The following SPHKAP variants were observed in gnomAD, a reference collection of about 807,000 sequenced individuals.
The protein encoded by SPHKAP is SPHK1 interactor, AKAP domain containing, also known as A-kinase anchor protein SPHKAP.
In SPHKAP, 67 loss-of-function variants were observed where a neutral mutation model predicts 137.5. The observed-to-expected ratio is 0.49, with a 90% confidence interval of 0.40 to 0.60. The LOEUF is 0.60. Among genes scored for constraint, SPHKAP ranks in the 20% least tolerant of loss-of-function variants. SPHKAP has a pLI of 0.00. For missense variants in SPHKAP, 2,097 were observed against 2,069.3 expected (o/e 1.01, Z -0.26); for synonymous variants, 813 against 785.3 (o/e 1.04, Z -0.59).
intron 1 of SPHKAP, among the ~76,000 whole-genome samples, chr2:228,171,870 C>T (rs767555944): frequency 6.6e-6 from 1 of 152,138 alleles, no homozygotes; most frequent in African/African-American, 2.4e-5. Flanking sequence ...CTCCTATTGA[C>T]ATGCTACCAA....
chr2:228,162,024 A>G (rs1230620780), intron 1 of SPHKAP, among the ~76,000 whole-genome samples: 1 of 152,212 alleles, frequency 6.6e-6, no homozygotes, highest in Non-Finnish European at 1.5e-5. Flanking sequence ...CAGAGGAAGG[A>G]GTCAATAGAA....
intron 2 of SPHKAP, among the ~76,000 whole-genome samples, chr2:228,123,459 C>T (rs1698974869): frequency 6.6e-6 from 1 of 152,210 alleles, no homozygotes; most frequent in Non-Finnish European, 1.5e-5. Flanking sequence ...TGTGAATAAG[C>T]TCAATAATGC....
rs1700905422 is a variant in SPHKAP at position 228,181,321 on chromosome 2, A to G, written c.32+246T>C. ...GGCCTTAGAGGCGGGCACGGGGCTG[A>G]CCCCCAACCCGTGCCACTCCAGCGC... On this transcript the variant is annotated intron_variant, in intron 1 of 11. Coordinates refer to ENST00000392056, the MANE Select transcript of SPHKAP (RefSeq NM_001142644.2). This position sits in a 1 kb window ranked among gnomAD's most constrained non-coding sequence, Gnocchi z 4.3. 6.6e-6 allele frequency among the ~76,000 whole-genome samples: 1 copy of G among 151,680 alleles called. No homozygotes were observed. Among genetic ancestry groups the G allele is most frequent in the Admixed American group, 6.6e-5 (1 of 15,244 alleles).
At chr2:228,010,355 C>A (rs534683589) in intron 7 of SPHKAP, among the ~76,000 whole-genome samples, 1 of 151,990 alleles carries the variant, frequency 6.6e-6, no homozygotes, top group African/African-American at 2.4e-5. Context: ...GGTGAAACCC[C>A]GTCTCTACTA....
intron 1 of SPHKAP, among the ~76,000 whole-genome samples, chr2:228,151,966 T>C (rs958594134): frequency 1.3e-5 from 2 of 152,200 alleles, no homozygotes; most frequent in African/African-American, 4.8e-5. Context: ...TACTTTCTAC[T>C]TTTCATAACA....
intron 3 of SPHKAP, among the ~76,000 whole-genome samples, chr2:228,083,674 G>T (rs1468509463): frequency 6.6e-6 from 1 of 152,068 alleles, no homozygotes; most frequent in Non-Finnish European, 1.5e-5. Flanking sequence ...CAAAGACTTG[G>T]AACCAACCCA....
chr2:228,030,513 C>CAAAAAAAAAAAAAAAAAA (rs11287311), intron 3 of SPHKAP, among the ~76,000 whole-genome samples: 5 of 48,768 alleles, frequency 1.0e-4, no homozygotes, highest in East Asian at 6.4e-4. Context: ...GATACCATCT[C>CAAAAAAAAAAAAAAAAAA]AAAAAAAAAA....
chr2:228,061,234 C>A lies in SPHKAP; in HGVS notation c.247-33691G>T, dbSNP rs370013652. Among the ~76,000 whole-genome samples, 4 of 151,718 alleles carry A rather than the reference C, an allele frequency of 2.6e-5. No individual in the cohort carries two copies. In the East Asian group the frequency reaches 7.7e-4, roughly 29 times the overall value. On this transcript the variant is annotated intron_variant, in intron 3 of 11. Coordinates refer to ENST00000392056, the MANE Select transcript of SPHKAP (RefSeq NM_001142644.2). Reference sequence around the variant, plus strand: ...TAAGAACTTAAGTCAATTCACTTTACTATTATTATCATTATTATTTTATTT... The same window carrying A: ...TAAGAACTTAAGTCAATTCACTTTAATATTATTATCATTATTATTTTATTT...
chr2:228,054,327 C>T (rs998864473), intron 3 of SPHKAP, among the ~76,000 whole-genome samples: 4 of 151,972 alleles, frequency 2.6e-5, no homozygotes, highest in African/African-American at 9.7e-5. Flanking sequence ...GGTATTTTCT[C>T]TGGTGGGAGA....
intron 2 of SPHKAP, among the ~76,000 whole-genome samples, chr2:228,119,456 T>TAC (rs55846474): frequency 6.6e-4 from 91 of 137,390 alleles, no homozygotes; most frequent in African/African-American, 7.4e-4. Flanking sequence ...AAGCCTAGTA[T>TAC]ACACACACAC....
rs529428671 is a variant in SPHKAP, at chr2:228,022,033, T to G, written c.442-67A>C. 94 of 1,483,146 alleles carry G rather than the reference T, an allele frequency of 6.3e-5. 1 individual carries two copies. The East Asian group carries it at 2.2e-3, about 34-fold the overall frequency. 91.9% of individuals were successfully genotyped at this position (1,483,146 alleles called of 1,614,324 possible). A position where few individuals can be genotyped will look rare whatever the true frequency, so the allele number is the denominator to read the frequency against. ...AATAAAAGACTATTGCCTCTGAGCT[T>G]TCCTTTTCCACCAAGCTCTCCTGTT... On this transcript the variant is annotated intron_variant, in intron 5 of 11. Transcript: ENST00000392056.
chr2:228,017,385 T>C lies in SPHKAP; in HGVS notation c.3469A>G (p.Ser1157Gly). The change falls in exon 7 of 12, where the codon AGC becomes GGC. Residue 1157 changes from serine to glycine, a missense_variant. By Grantham distance (56) the Ser-to-Gly change is moderately conservative. Coordinates refer to ENST00000392056, the MANE Select transcript of SPHKAP (RefSeq NM_001142644.2). ...LLDYYAGKNA[S>G]SILNSAMQQA... is the part of the protein sequence containing the mutation. ...TGCATGGCTGAGTTCAGAATGCTGC[T>C]GGCGTTCTTGCCAGCATAGTAATCC... 1 of 1,614,054 alleles carries C rather than the reference T, an allele frequency of 6.2e-7. No homozygotes were observed. Among genetic ancestry groups the C allele is most frequent in the Non-Finnish European group, 8.5e-7 (1 of 1,179,990 alleles).
intron 3 of SPHKAP, among the ~76,000 whole-genome samples, chr2:228,069,389 A>G (rs1231900047): frequency 1.3e-5 from 2 of 152,040 alleles, no homozygotes; most frequent in Non-Finnish European, 2.9e-5. Flanking sequence ...TTGTATACAG[A>G]AAGTGCCCTA....
At chr2:228,086,614 T>C (rs999822753) in intron 3 of SPHKAP, among the ~76,000 whole-genome samples, 4 of 152,110 alleles carry the variant, frequency 2.6e-5, no homozygotes, top group Admixed American at 6.6e-5. Context: ...CACTCAAATT[T>C]GCTCGAGGGA....
chr2:228,145,025 A>T (rs1382838978), intron 1 of SPHKAP, among the ~76,000 whole-genome samples: 1 of 152,192 alleles, frequency 6.6e-6, no homozygotes, highest in African/African-American at 2.4e-5. Flanking sequence ...CTGAGGGATG[A>T]GGCTGTCAAA....
intron 3 of SPHKAP, among the ~76,000 whole-genome samples, chr2:228,072,780 GAT>G (rs577917323): frequency 9.1e-4 from 138 of 152,308 alleles, no homozygotes; most frequent in African/African-American, 3.1e-3. Flanking sequence ...GATGCCTAGG[GAT>G]GCCCAGCTAT....
chr2:228,180,671 G>C (rs1049891499), intron 1 of SPHKAP, among the ~76,000 whole-genome samples: 1 of 152,292 alleles, frequency 6.6e-6, no homozygotes, highest in Non-Finnish European at 1.5e-5. Flanking sequence ...CTCCCGGCGC[G>C]AGCGCTCCGC....
At chr2:228,157,303 T>C (rs1052195806) in intron 1 of SPHKAP, among the ~76,000 whole-genome samples, 1 of 152,206 alleles carries the variant, frequency 6.6e-6, no homozygotes, top group Non-Finnish European at 1.5e-5. Context: ...GAATATGATC[T>C]TAAAACCCAG....
At chr2:228,069,884 C>T (rs1341564448) in intron 3 of SPHKAP, among the ~76,000 whole-genome samples, 1 of 152,172 alleles carries the variant, frequency 6.6e-6, no homozygotes, top group African/African-American at 2.4e-5. Context: ...TGCATTACTG[C>T]CATTCAATAC....
Sources: allele counts gnomAD v4.1 joint callset (sites outside exome capture counted in the v4.1 genomes callset), GRCh38; gene constraint gnomAD v4.1.1; non-coding constraint Gnocchi (gnomAD v3.1); transcripts MANE v1.5; gene names NCBI Gene and HGNC (gene_info 2026-07-23, HGNC 2026-07-21).